Variants in RAB27B observed in about 807,000 individuals in gnomAD.
RAB27B encodes the protein RAB27B, member RAS oncogene family, also known as ras-related protein Rab-27B.
RAB27B carries 15 observed loss-of-function variants against 24.6 expected under a neutral mutation model. That is an observed-to-expected ratio of 0.61 (90% confidence interval 0.41 to 0.94). The LOEUF (loss-of-function observed/expected upper bound fraction) is 0.94, where lower values mean the gene tolerates loss of function less well. Among genes scored for constraint, RAB27B ranks in the 40% least tolerant of loss-of-function variants. The pLI is 0.00. For synonymous variants in RAB27B, 105 were observed against 92.5 expected, an observed-to-expected ratio of 1.14 and a Z score of -0.78; for missense variants, 261 against 266.8, an observed-to-expected ratio of 0.98 and a Z score of 0.15.
intron 2 of RAB27B, among the ~76,000 whole-genome samples, chr18:54,762,186 A>C (rs1446687183): frequency 1.3e-5 from 2 of 152,136 alleles, no homozygotes; most frequent in East Asian, 3.9e-4. Flanking sequence ...ATAATTCTGT[A>C]GTTTTGTTTT....
At chr18:54,777,412 G>A (rs527706196) in intron 2 of RAB27B, among the ~76,000 whole-genome samples, 1 of 152,322 alleles carries the variant, frequency 6.6e-6, no homozygotes, top group African/African-American at 2.4e-5. Context: ...CTGATCCTTA[G>A]AGGGTTAGAA....
chr18:54,866,089 C>CA (rs1424297527), intron 1 of RAB27B, among the ~76,000 whole-genome samples: 8 of 147,502 alleles, frequency 5.4e-5, no homozygotes, highest in African/African-American at 2.1e-4. Context: ...AGAGTTTTAT[C>CA]AAAAACAAAA....
At chr18:54,826,787 A>T (rs1394104818), upstream of RAB27B, among the ~76,000 whole-genome samples, 1 of 152,196 alleles carries the variant, frequency 6.6e-6, no homozygotes. Context: ...ATTTACTGCG[A>T]CTTTCTCAAC....
intron 1 of RAB27B, among the ~76,000 whole-genome samples, chr18:54,870,006 C>T (rs1396153291): frequency 6.6e-6 from 1 of 152,054 alleles, no homozygotes; most frequent in African/African-American, 2.4e-5. Flanking sequence ...ACCAGGACAA[C>T]GTGGTTTTAC....
chr18:54,842,963 T>C (rs971568217), intron 1 of RAB27B, among the ~76,000 whole-genome samples: 4 of 152,042 alleles, frequency 2.6e-5, no homozygotes, highest in Admixed American at 2.6e-4. Flanking sequence ...CCCAGCTAAT[T>C]TTTTTGTATT....
chr18:54,735,574 T>C (rs1909864933), intron 2 of RAB27B, among the ~76,000 whole-genome samples: 1 of 152,054 alleles, frequency 6.6e-6, no homozygotes, highest in African/African-American at 2.4e-5. Context: ...CAGGCTGGAG[T>C]ACATCTCAGC....
intron 2 of RAB27B, among the ~76,000 whole-genome samples, chr18:54,779,137 G>A (rs558056617): frequency 6.6e-6 from 1 of 151,986 alleles, no homozygotes; most frequent in Non-Finnish European, 1.5e-5. Flanking sequence ...CGTACCTGGC[G>A]CAGTTAAGTC....
rs1409276499 is a variant in RAB27B at position 54,877,653 on chromosome 18, C to CAACATT, written c.69_74dup (p.Thr24_Phe25insLeuThr). On this transcript the variant is annotated inframe_insertion, in exon 2 of 6. Coordinates refer to ENST00000262094, the MANE Select transcript of RAB27B (RefSeq NM_004163.4). The stretch of plus-strand genomic sequence containing the variant: ...CTCGGGGATTCAGGGGTGGGGAAGA[C>CAACATT]AACATTTCTTTATAGATACACAGAT... 1 of 1,597,084 alleles carries CAACATT rather than the reference C, an allele frequency of 6.3e-7. No homozygotes were observed. The highest frequency in any genetic ancestry group is 8.5e-7 in the Non-Finnish European group (1 of 1,174,974).
chr18:54,821,631 G>C (rs1262744590), intron 2 of RAB27B, among the ~76,000 whole-genome samples: 19 of 152,198 alleles, frequency 1.2e-4, no homozygotes, highest in Non-Finnish European at 1.6e-4. Flanking sequence ...AAAGCTGGAG[G>C]CATCACGCCA....
intron 2 of RAB27B, among the ~76,000 whole-genome samples, chr18:54,741,872 G>A (rs1910083502): frequency 6.6e-6 from 1 of 152,100 alleles, no homozygotes; most frequent in African/African-American, 2.4e-5. Flanking sequence ...GCCTAAGCTG[G>A]CAGTAGGTAA....
intron 2 of RAB27B, among the ~76,000 whole-genome samples, chr18:54,807,379 G>C (rs769049743): frequency 6.6e-6 from 1 of 152,112 alleles, no homozygotes; most frequent in Non-Finnish European, 1.5e-5. Context: ...ACCTTTCCTT[G>C]AGGGTTCAGC....
chr18:54,788,263 A>T (rs1909149872), intron 2 of RAB27B, among the ~76,000 whole-genome samples: 1 of 152,202 alleles, frequency 6.6e-6, no homozygotes, highest in Non-Finnish European at 1.5e-5. Flanking sequence ...ATGGTACTAA[A>T]GTATGGTGAT....
chr18:54,739,954 A>G (rs914088279), intron 2 of RAB27B, among the ~76,000 whole-genome samples: 5 of 152,188 alleles, frequency 3.3e-5, no homozygotes, highest in African/African-American at 1.2e-4. Context: ...GCCCATGTAG[A>G]TGTGTAAGAG....
In RAB27B at chr18:54,804,869, T is replaced by C. The variant is rs11151998; in HGVS notation, c.-19-72698T>C. Among the ~76,000 whole-genome samples the C allele has an allele frequency of 2.7e-3, 349 of 130,898 alleles. 10 individuals are homozygous for C. The highest frequency in any genetic ancestry group is 0.02 in the East Asian group (78 of 3,912). The allele number at this position is 130,898 out of a possible 152,430, so 85.9% of individuals were successfully genotyped here. On this transcript the variant is annotated intron_variant, in intron 2 of 4. Coordinates refer to the RAB27B transcript ENST00000586570. ...CTTTCCTTCCTTCCTTCCTTTCTTT[T>C]TTTCTTTTTTCTTTCTTTCTTTCTC...
chr18:54,804,900 CTCTCTCTTTCTTTCTTTCTT>C (rs1909730109), intron 2 of RAB27B, among the ~76,000 whole-genome samples: 1 of 102,698 alleles, frequency 9.7e-6, no homozygotes, highest in African/African-American at 5.7e-5. Context: ...TTCTCTTTCT[CTCTCTCTTTCTTTCTTTCTT>C]TCTTTCTTTC....
chr18:54,783,481 T>TTGTGTGTGTGTGTGTGTG (rs34288200), intron 2 of RAB27B, among the ~76,000 whole-genome samples: 17 of 149,788 alleles, frequency 1.1e-4, no homozygotes, highest in South Asian at 2.1e-4. Flanking sequence ...GCCTATGGCT[T>TTGTGTGTGTGTGTGTGTG]TGTGTGTGTG....
At chr18:54,761,594 A>C (rs1908191158) in intron 2 of RAB27B, among the ~76,000 whole-genome samples, 1 of 152,226 alleles carries the variant, frequency 6.6e-6, no homozygotes, top group Non-Finnish European at 1.5e-5. Context: ...CCAAGTAGGC[A>C]ATAACAATCA....
rs1449197332 is a variant in RAB27B at position 54,737,848 on chromosome 18, C to A, written c.-20+19707C>A. ...TCAAACATAAGAATATCAATATAAT[C>A]ATTTATAATATGTTCAACTTTTATC... On this transcript the variant is annotated intron_variant, in intron 2 of 4. Transcript: ENST00000586570. 2.0e-5 allele frequency among the ~76,000 whole-genome samples: 3 copies of A among 152,168 alleles called. No homozygotes were observed. In the East Asian group the frequency reaches 5.8e-4, roughly 29 times the overall value.
At position 54,889,392 on chromosome 18, in the gene RAB27B, A is replaced by T; in HGVS notation, c.636A>T (p.Pro212=). ...NSGNLDGEKP[P]EKKCIC ...GAAACTTGGATGGGGAAAAGCCACC[A>T]GAGAAGAAATGTATCTGCTAGACTC... The change falls in exon 6 of 6, where the codon CCA becomes CCT. Residue 212 remains proline (P), a synonymous_variant. Coordinates refer to ENST00000262094, the MANE Select transcript of RAB27B (RefSeq NM_004163.4). 6.2e-7 allele frequency: 1 copy of T among 1,612,836 alleles called. No individual in the cohort carries two copies.
Sources: allele counts gnomAD v4.1 joint callset (sites outside exome capture counted in the v4.1 genomes callset), GRCh38; gene constraint gnomAD v4.1.1; transcripts MANE v1.5; gene names NCBI Gene and HGNC (gene_info 2026-07-23, HGNC 2026-07-21).